SLK: variants seen among roughly 807,000 people sequenced by gnomAD.
SLK encodes STE20-like serine/threonine-protein kinase.
In SLK, 67 loss-of-function variants were observed where a neutral mutation model predicts 147.7. The observed-to-expected ratio is 0.45, with a 90% CI of 0.37 to 0.56. The LOEUF (loss-of-function observed/expected upper bound fraction) is 0.56. Ranked by LOEUF, SLK falls within the 20% of genes least tolerant of loss-of-function variation. The pLI, the probability that SLK is intolerant of heterozygous loss-of-function variation, is 0.00. For synonymous variants in SLK, 441 were observed against 475.0 expected (o/e 0.93, Z 0.93); for missense variants, 1,136 against 1,438.8 (o/e 0.79, Z 3.41).
intron 1 of SLK, among the ~76,000 whole-genome samples, chr10:103,981,277 T>C (rs926527823): frequency 1.3e-5 from 2 of 152,104 alleles, no homozygotes; most frequent in African/African-American, 2.4e-5. Flanking sequence ...TTTGTAAATA[T>C]TTTCTGTCAC....
In SLK at chr10:104,003,153, G is replaced by C. The variant is rs924174353; in HGVS notation, c.1975G>C (p.Asp659His). The C allele has an allele frequency of 6.2e-7, 1 of 1,614,090 alleles. No individual in the cohort carries two copies. Among genetic ancestry groups the C allele is most frequent in the South Asian group, 1.1e-5 (1 of 91,078 alleles). Residue 659 changes from aspartate (D) to histidine (H), a missense_variant, in exon 9 of 19, where the codon GAT becomes CAT. Around this residue, in one of 6 missense-constraint regions of SLK, gnomAD observed 516 missense variants for 531.3 expected, o/e 0.97. Coordinates refer to ENST00000369755, the MANE Select transcript of SLK (RefSeq NM_014720.4). ...AATGGAGGTCAGAAGTGTGGTGGCT[G>C]ATACTGACCAAAAGGCTTTAGGAAG... ...EEMEVRSVVADTDQKALGSEV... is the reference protein window; with the variant it reads ...EEMEVRSVVAHTDQKALGSEV...
chr10:104,006,649 C>G (rs1327834884), intron 11 of SLK, among the ~76,000 whole-genome samples: 1 of 152,156 alleles, frequency 6.6e-6, no homozygotes, highest in African/African-American at 2.4e-5. Flanking sequence ...TGTTGACTAT[C>G]TGCCTTAATG....
rs1844510820 is a variant in SLK at position 104,019,738 on chromosome 10, CAG to C, written c.3140_3141del (p.Glu1047AlafsTer11). 6.2e-7 allele frequency: 1 copy of C among 1,612,618 alleles called. No homozygotes were observed. Among genetic ancestry groups the C allele is most frequent in the Non-Finnish European group, 8.5e-7 (1 of 1,178,902 alleles). On this transcript the variant is annotated frameshift_variant, in exon 16 of 19. Transcript: ENST00000369755. LOFTEE classifies it high-confidence loss of function. ...TTCTATTTAAAACTTTCATAGGAAA[CAG>C]AGCAAATGCAGCGTTACAATCAAAG...
At position 104,027,017 on chromosome 10, in the gene SLK, A is replaced by G. The variant is rs1412486415; in HGVS notation, c.*1297A>G. The G allele has an allele frequency of 3.3e-5, 5 of 152,366 alleles. No individual in the cohort carries two copies. Among genetic ancestry groups the G allele is most frequent in the African/African-American group, 1.2e-4 (5 of 41,594 alleles). 9.4% of individuals were successfully genotyped at this position (152,366 alleles called of 1,614,324 possible). A position where few individuals can be genotyped will look rare whatever the true frequency, so the allele number is the denominator to read the frequency against. ...TAAACTGTACTTTGCTGTCTGAGAC[A>G]GCACATTTGTGAATGATGCTTGCTG... On this transcript the variant is annotated 3_prime_UTR_variant, in exon 19 of 19. Transcript: ENST00000369755.
intron 12 of SLK, among the ~76,000 whole-genome samples, chr10:104,009,534 T>C (rs551634180): frequency 1.3e-5 from 2 of 152,262 alleles, no homozygotes; most frequent in African/African-American, 4.8e-5. Flanking sequence ...TTACTATTTC[T>C]GATGTTTTAT....
Position 103,992,971 on chromosome 10 carries a change from T to C in SLK, c.365-13T>C. On this transcript the variant is annotated splice_polypyrimidine_tract_variant and intron_variant, in intron 3 of 18. Coordinates refer to ENST00000369755, the MANE Select transcript of SLK (RefSeq NM_014720.4). ...ATAAAAAGCAGATTTTTTTTTTTAC[T>C]TTCTCCTTATAGAACTTGAGAGACC... 6.3e-7 allele frequency: 1 copy of C among 1,597,820 alleles called. No individual in the cohort carries two copies. The highest frequency in any genetic ancestry group is 1.1e-5 in the South Asian group (1 of 87,506).
chr10:103,981,567 A>T (rs759448415), intron 1 of SLK, among the ~76,000 whole-genome samples: 1 of 151,960 alleles, frequency 6.6e-6, no homozygotes, highest in African/African-American at 2.4e-5. Flanking sequence ...TCACATGTGG[A>T]TATTCAGATT....
At position 104,002,384 on chromosome 10, in the gene SLK, C is replaced by T. The variant is rs759700687; in HGVS notation, c.1206C>T (p.Thr402=). Reference sequence around the variant, plus strand: ...TGGAGGATATTAATGAACATATTACCGATGCTCAGTTAGAAGCAATGACTG... The same window carrying T: ...TGGAGGATATTAATGAACATATTACTGATGCTCAGTTAGAAGCAATGACTG... ...KAVEDINEHI[T]DAQLEAMTEL... The change falls in exon 9 of 19, where the codon ACC becomes ACT. Residue 402 remains threonine (T), a synonymous_variant. Transcript: ENST00000369755. The T allele has an allele frequency of 3.7e-5, 59 of 1,613,370 alleles. No homozygotes were observed. Among genetic ancestry groups the T allele is most frequent in the South Asian group, 7.7e-5 (7 of 91,044 alleles).
intron 1 of SLK, among the ~76,000 whole-genome samples, chr10:103,973,367 C>A (rs1030150125): frequency 2.0e-5 from 3 of 152,168 alleles, no homozygotes; most frequent in Admixed American, 6.5e-5. Flanking sequence ...CTTCATTGAT[C>A]TATTTGTCTA....
chr10:104,001,362 A>G (rs1364682753), intron 7 of SLK, 82 bp from the exon 8 acceptor site: 6 of 1,123,902 alleles, frequency 5.3e-6, no homozygotes, highest in East Asian at 4.7e-5. Flanking sequence ...TTTTTACCAC[A>G]TAAGAATGTG....
chr10:103,995,019 G>A (rs1326294982), intron 4 of SLK, among the ~76,000 whole-genome samples: 1 of 152,060 alleles, frequency 6.6e-6, no homozygotes, highest in Non-Finnish European at 1.5e-5. Context: ...TTTTGGGGTT[G>A]CAAAACGAAT....
Position 104,021,705 on chromosome 10 carries a change from G to A in SLK, c.3533G>A (p.Trp1178Ter), listed in dbSNP as rs1365224201. ...GAACATAGCCAAGAATTAAAGGAGT[G>A]GAGAGAGAAATTGAGACCTAGGAAA... ...DEEHSQELKE[W>*]REKLRPRKKT... Residue 1178 changes from tryptophan to a stop codon, truncating the protein, a stop_gained, in exon 18 of 19, where the codon TGG (tryptophan) becomes TAG (stop). Transcript: ENST00000369755. LOFTEE classifies it high-confidence loss of function. 6.2e-7 allele frequency: 1 copy of A among 1,604,336 alleles called. No homozygotes were observed. Among genetic ancestry groups the A allele is most frequent in the Admixed American group, 1.7e-5 (1 of 59,718 alleles).
intron 1 of SLK, among the ~76,000 whole-genome samples, chr10:103,973,258 C>T (rs1023244538): frequency 1.3e-5 from 2 of 152,126 alleles, no homozygotes; most frequent in African/African-American, 2.4e-5. Flanking sequence ...TATGGATACA[C>T]AATTGTCCCA....
At chr10:103,997,584 C>CT (rs74506697) in intron 4 of SLK, among the ~76,000 whole-genome samples, 17 of 149,034 alleles carry the variant, frequency 1.1e-4, no homozygotes, top group Non-Finnish European at 1.2e-4. Flanking sequence ...CTTGTCAACA[C>CT]TTTTTTTTTT....
At position 103,967,685 on chromosome 10, in the gene SLK, A is replaced by G; in HGVS notation, c.-61A>G. ...GCTCGCGCGGGAGAGCAGGGAAGAG[A>G]AACTTTGCCTTTTATTGTTTTTAGT... On this transcript the variant is annotated 5_prime_UTR_variant, in exon 1 of 19. Coordinates refer to ENST00000369755, the MANE Select transcript of SLK (RefSeq NM_014720.4). The G allele has an allele frequency of 1.3e-6, 2 of 1,540,520 alleles. No homozygotes were observed. The highest frequency in any genetic ancestry group is 1.7e-4 in the Middle Eastern group (1 of 5,796).
At position 103,971,160 on chromosome 10, in the gene SLK, T is replaced by C. The variant is rs572283781; in HGVS notation, c.150+3265T>C. On this transcript the variant is annotated intron_variant, in intron 1 of 18. Coordinates refer to ENST00000369755, the MANE Select transcript of SLK (RefSeq NM_014720.4). ...CTTGCCTGAAAAAGCTTCACTACTT[T>C]AAATTTATTTTCTCTTTTAAAAATA... 2.0e-4 allele frequency among the ~76,000 whole-genome samples: 31 copies of C among 152,346 alleles called. 1 individual carries two copies. The South Asian group carries it at 5.4e-3, about 26-fold the overall frequency.
chr10:104,011,720 C>T (rs1844403139), intron 13 of SLK, among the ~76,000 whole-genome samples: 1 of 152,038 alleles, frequency 6.6e-6, no homozygotes, highest in African/African-American at 2.4e-5. Flanking sequence ...ACCACCACGC[C>T]CAGCTAATAT....
At chr10:103,991,390 T>G (rs1295467230) in intron 2 of SLK, among the ~76,000 whole-genome samples, 1 of 152,116 alleles carries the variant, frequency 6.6e-6, no homozygotes, top group Non-Finnish European at 1.5e-5. Context: ...TTCATATTCA[T>G]TATAATAATC....
intron 6 of SLK, 29 bp downstream of exon 6, chr10:103,999,342 AG>A: frequency 6.0e-6 from 9 of 1,506,334 alleles, no homozygotes; most frequent in Non-Finnish European, 8.1e-6. Flanking sequence ...AAGCTTAATA[AG>A]AAACAAATGA....
Sources: gnomAD v4.1 joint callset for allele counts (sites outside exome capture counted in the v4.1 genomes callset) on GRCh38, gnomAD v4.1.1 for gene constraint, gnomAD v4.1.1 regional missense constraint, MANE v1.5 for transcripts, NCBI Gene and HGNC (gene_info 2026-07-23, HGNC 2026-07-21) for gene names.